Variants in GCNT1 observed in about 807,000 individuals in gnomAD.
The protein encoded by GCNT1 is beta-1,3-galactosyl-O-glycosyl-glycoprotein beta-1,6-N-acetylglucosaminyltransferase.
A neutral mutation model predicts 26.2 loss-of-function variants in GCNT1; 16 were observed. The observed-to-expected ratio is 0.61, with a 90% confidence interval of 0.41 to 0.93. The LOEUF (loss-of-function observed/expected upper bound fraction) is 0.93, where lower values mean the gene tolerates loss of function less well. Among genes scored for constraint, GCNT1 ranks in the 40% least tolerant of loss-of-function variants. GCNT1 has a pLI of 0.00. For synonymous variants in GCNT1, 183 were observed against 190.8 expected, an observed-to-expected ratio of 0.96 and a Z score of 0.34; for missense variants, 477 against 526.7, an observed-to-expected ratio of 0.91 and a Z score of 0.92.
chr9:76,503,158 T>C lies in GCNT1; in HGVS notation c.777T>C (p.Tyr259=). The C allele has an allele frequency of 6.2e-6, 10 of 1,614,120 alleles. No individual in the cohort carries two copies. Among genetic ancestry groups the C allele is most frequent in the Non-Finnish European group, 8.5e-6 (10 of 1,180,016 alleles). Residue 259 remains tyrosine, a synonymous_variant, in exon 4 of 4, where the codon TAT becomes TAC. Transcript: ENST00000376730. ...SHKEERWKKR[Y]EVVNGKLTNT... ...AAGAAGAAAGGTGGAAGAAGCGGTA[T>C]GAGGTCGTTAATGGAAAGCTGACAA... is the stretch of plus-strand genomic sequence containing the variant.
chr9:76,438,369 T>A (rs1305006092), upstream of GCNT1, among the ~76,000 whole-genome samples: 2 of 152,170 alleles, frequency 1.3e-5, no homozygotes. Flanking sequence ...GACACGAATG[T>A]CTGGGTTATA....
At chr9:76,458,263 A>G (rs991965799), upstream of GCNT1, among the ~76,000 whole-genome samples, 1 of 144,578 alleles carries the variant, frequency 6.9e-6, no homozygotes, top group South Asian at 2.2e-4. Context: ...GCTCACTGCA[A>G]GCTCCGCCTC....
chr9:76,478,524 A>G (rs529242058), intron 2 of GCNT1, among the ~76,000 whole-genome samples: 6 of 152,228 alleles, frequency 3.9e-5, no homozygotes, highest in Non-Finnish European at 5.9e-5. Context: ...CCGCAGCTTC[A>G]TTCTTGGTGA....
chr9:76,406,570 G>A, the GCNT1 span, among the ~76,000 whole-genome samples: 12 of 151,266 alleles, frequency 7.9e-5, no homozygotes, highest in African/African-American at 1.2e-4. Context: ...GTGTGGTGGC[G>A]TGCACCTGTA....
chr9:76,401,011 AT>A, the GCNT1 span, among the ~76,000 whole-genome samples: 1 of 152,224 alleles, frequency 6.6e-6, no homozygotes, highest in Non-Finnish European at 1.5e-5. Flanking sequence ...CATTTGAAAG[AT>A]TTAAGACTTA....
chr9:76,471,227 C>T (rs1043237965), intron 2 of GCNT1, among the ~76,000 whole-genome samples: 5 of 152,206 alleles, frequency 3.3e-5, no homozygotes, highest in Middle Eastern at 3.4e-3. Flanking sequence ...GGTTTCACCA[C>T]GTTGGCCAGG....
At chr9:76,410,780 G>C in the GCNT1 span, among the ~76,000 whole-genome samples, 3 of 152,158 alleles carry the variant, frequency 2.0e-5, no homozygotes, top group Non-Finnish European at 4.4e-5. Context: ...TTCTGTTAGA[G>C]AGATACTGTA....
chr9:76,402,210 T>G, the GCNT1 span, among the ~76,000 whole-genome samples: 2 of 152,200 alleles, frequency 1.3e-5, no homozygotes, highest in African/African-American at 4.8e-5. Context: ...TTCCTCCCAC[T>G]TGCTCTTAGC....
At chr9:76,502,179 GTATATATA>G (rs59104914) in intron 3 of GCNT1, 52 bp from the exon 4 acceptor site, 34,834 of 154,364 alleles carry the variant, frequency 0.23, 5,305 homozygotes, top group African/African-American at 0.46. Context: ...CTCTCTCTCT[GTATATATA>G]TATATATATA....
the GCNT1 span, among the ~76,000 whole-genome samples, chr9:76,402,739 G>C: frequency 6.0e-5 from 9 of 151,122 alleles, no homozygotes; most frequent in East Asian, 1.7e-3. Context: ...GAGTACAATG[G>C]CATGATCTCG....
chr9:76,395,402 C>T, the GCNT1 span, among the ~76,000 whole-genome samples: 2 of 151,140 alleles, frequency 1.3e-5, no homozygotes, highest in Admixed American at 1.3e-4. Context: ...ATGTATGCAT[C>T]TCTGATAAGA....
Position 76,507,153 on chromosome 9 carries a change from G to A in GCNT1, c.*3485G>A, listed in dbSNP as rs2131657517. On this transcript the variant is annotated 3_prime_UTR_variant, in exon 4 of 4. Coordinates refer to ENST00000376730, the MANE Select transcript of GCNT1 (RefSeq NM_001490.5). Reference sequence around the variant, plus strand: ...CTCATGTTATTTACTGAATACTGTTGTGAAAGTGAAAAACAATGATTGTAT... The same window carrying A: ...CTCATGTTATTTACTGAATACTGTTATGAAAGTGAAAAACAATGATTGTAT... 3 of 167,080 alleles carry A rather than the reference G, an allele frequency of 1.8e-5. No homozygotes were observed. The highest frequency in any genetic ancestry group is 1.9e-4 in the East Asian group (1 of 5,194). 10.3% of individuals were successfully genotyped at this position (167,080 alleles called of 1,614,324 possible).
chr9:76,496,323 G>A (rs754016198), intron 2 of GCNT1, among the ~76,000 whole-genome samples: 5 of 152,116 alleles, frequency 3.3e-5, no homozygotes, highest in Non-Finnish European at 5.9e-5. Flanking sequence ...ATCATTCTCC[G>A]CATCCCCCCT....
chr9:76,396,217 A>G, the GCNT1 span, among the ~76,000 whole-genome samples: 2 of 152,350 alleles, frequency 1.3e-5, no homozygotes, highest in Non-Finnish European at 2.9e-5. Flanking sequence ...TGGTTTTAAG[A>G]ATAGAGAAAA....
intron 2 of GCNT1, among the ~76,000 whole-genome samples, chr9:76,466,669 C>T (rs1029066148): frequency 6.6e-6 from 1 of 152,062 alleles, no homozygotes; most frequent in Non-Finnish European, 1.5e-5. Context: ...AATGATAGGA[C>T]CAGTTTTCAG....
chr9:76,395,070 C>T, the GCNT1 span, among the ~76,000 whole-genome samples: 1 of 152,122 alleles, frequency 6.6e-6, no homozygotes, highest in Non-Finnish European at 1.5e-5. Context: ...GGTGACTGTC[C>T]CCTCCAGGCT....
intron 2 of GCNT1, among the ~76,000 whole-genome samples, chr9:76,493,892 C>G (rs1477772771): frequency 6.6e-6 from 1 of 152,082 alleles, no homozygotes; most frequent in African/African-American, 2.4e-5. Context: ...ACATTTTTCC[C>G]CATCAGAGAG....
At chr9:76,500,460 C>T (rs918081278) in intron 2 of GCNT1, among the ~76,000 whole-genome samples, 2 of 152,076 alleles carry the variant, frequency 1.3e-5, no homozygotes, top group African/African-American at 4.8e-5. Flanking sequence ...CGAAGCTCCC[C>T]GTGGTCGCTT....
chr9:76,484,815 A>G (rs576911), intron 2 of GCNT1, among the ~76,000 whole-genome samples: 125,947 of 144,740 alleles, frequency 0.87, 55,140 homozygotes, highest in South Asian at 0.95. Flanking sequence ...CTGAGATGGA[A>G]TCTCACTCTG....
Sources: gnomAD v4.1 joint callset for allele counts (sites outside exome capture counted in the v4.1 genomes callset) on GRCh38, gnomAD v4.1.1 for gene constraint, MANE v1.5 for transcripts, NCBI Gene and HGNC (gene_info 2026-07-23, HGNC 2026-07-21) for gene names.